FBLN1: variants seen among roughly 807,000 people sequenced by gnomAD.
FBLN1 encodes fibulin 1.
FBLN1 carries 34 observed loss-of-function variants against 89.7 expected under a neutral mutation model. The ratio of observed to expected loss-of-function variants is 0.38; its 90% confidence interval spans 0.29 to 0.50. FBLN1 has a LOEUF of 0.50. FBLN1 is among the 20% of genes least tolerant of loss of function. FBLN1 has a pLI of 0.92. For synonymous variants in FBLN1, 393 were observed against 391.3 expected, an observed-to-expected ratio of 1.00 and a Z score of -0.05; for missense variants, 777 against 988.1, an observed-to-expected ratio of 0.79 and a Z score of 2.86.
intron 14 of FBLN1, among the ~76,000 whole-genome samples, chr22:45,551,387 T>A (rs9626377): frequency 6.6e-6 from 1 of 152,232 alleles, no homozygotes; most frequent in Non-Finnish European, 1.5e-5. Context: ...CTTGGCCCCT[T>A]GACCTTCAGC....
chr22:45,530,606 T>C lies in FBLN1; in HGVS notation c.485-659T>C, dbSNP rs2088392236. Among the ~76,000 whole-genome samples, 1 of 152,210 alleles carries C rather than the reference T, an allele frequency of 6.6e-6. No homozygotes were observed. Among genetic ancestry groups the C allele is most frequent in the Non-Finnish European group, 1.5e-5 (1 of 68,032 alleles). ...GAATCAATCAGGAGACTCAAGTTTT[T>C]ACTGCGTGCATTGCTTTAGACTTGG... On this transcript the variant is annotated intron_variant, in intron 4 of 16. Coordinates refer to ENST00000327858, the MANE Select transcript of FBLN1 (RefSeq NM_006486.3). The surrounding 1 kb of genome is among the most constrained non-coding windows in gnomAD (Gnocchi z 5.4).
At chr22:45,553,266 G>A (rs2088729125) in intron 14 of FBLN1, among the ~76,000 whole-genome samples, 1 of 152,234 alleles carries the variant, frequency 6.6e-6, no homozygotes, top group Admixed American at 6.5e-5. Context: ...TAGAGCTTGA[G>A]GTGTTAGGGT....
In FBLN1 at chr22:45,550,083, C is replaced by G. The variant is rs1002795126; in HGVS notation, c.1574-409C>G. 6.6e-6 allele frequency among the ~76,000 whole-genome samples: 1 copy of G among 152,134 alleles called. No homozygotes were observed. The highest frequency in any genetic ancestry group is 2.4e-5 in the African/African-American group (1 of 41,408). ...TGCCAGCCTGCCCGGGTTCAAAGCT[C>G]AGCTCTGACATTTATAAAATGTGTG... is the stretch of plus-strand genomic sequence containing the variant. On this transcript the variant is annotated intron_variant, in intron 13 of 16. Transcript: ENST00000327858. This position sits in a 1 kb window ranked among gnomAD's most constrained non-coding sequence, Gnocchi z 8.4.
chr22:45,543,704 G>T (rs905468263), intron 11 of FBLN1, among the ~76,000 whole-genome samples, 178 bp downstream of exon 11: 2 of 152,220 alleles, frequency 1.3e-5, no homozygotes, highest in African/African-American at 4.8e-5. Flanking sequence ...CTGCCCACCC[G>T]ATTTCTCCTG....
Position 45,503,078 on chromosome 22 carries a change from G to A in FBLN1, c.79+14G>A, listed in dbSNP as rs545228163. 5.7e-6 allele frequency: 7 copies of A among 1,231,356 alleles called. No homozygotes were observed. In the African/African-American group the frequency reaches 1.1e-4, roughly 19 times the overall value. 76.3% of individuals were successfully genotyped at this position (1,231,356 alleles called of 1,614,324 possible). On this transcript the variant is annotated intron_variant, in intron 1 of 16. Coordinates refer to ENST00000327858, the MANE Select transcript of FBLN1 (RefSeq NM_006486.3). ...TGGCGGCCGGAGGTAGGGGCGTCCC[G>A]GGTCCGCCGCCCCAGCTTAGGGTCC...
At chr22:45,569,366 TGTG>T (rs2088931369) in intron 14 of FBLN1, among the ~76,000 whole-genome samples, 1 of 152,012 alleles carries the variant, frequency 6.6e-6, no homozygotes, top group South Asian at 2.1e-4. Flanking sequence ...AGGGACCAGG[TGTG>T]GTGGCTCACG....
intron 1 of FBLN1, among the ~76,000 whole-genome samples, chr22:45,504,028 C>T (rs1405184199): frequency 6.6e-6 from 1 of 152,216 alleles, no homozygotes; most frequent in Non-Finnish European, 1.5e-5. Flanking sequence ...AGGCCCGGCA[C>T]TCCTGGCGTC....
intron 10 of FBLN1, 94 bp downstream of exon 10, chr22:45,542,377 C>T: frequency 2.0e-6 from 3 of 1,512,740 alleles, no homozygotes; most frequent in South Asian, 1.1e-5. Context: ...GTCTGATCCT[C>T]ATCTCAGATA....
rs1189265069 is a variant in FBLN1, at chr22:45,597,773, C to A, written c.1973-2534C>A. 6.6e-6 allele frequency among the ~76,000 whole-genome samples: 1 copy of A among 152,232 alleles called. No homozygotes were observed. The highest frequency in any genetic ancestry group is 1.5e-5 in the Non-Finnish European group (1 of 68,042). ...GCAGAGCAAGGGTGCTGACAGCCTG[C>A]AGAAGCCTGTGCTTATCTCTCCATC... On this transcript the variant is annotated intron_variant, in intron 16 of 16. Transcript: ENST00000327858. This position sits in a 1 kb window ranked among gnomAD's most constrained non-coding sequence, Gnocchi z 4.2.
rs1184288749 is a variant in FBLN1 at position 45,561,661 on chromosome 22, A to G, written c.1697+11046A>G. Among the ~76,000 whole-genome samples the G allele has an allele frequency of 2.0e-5, 3 of 152,176 alleles. No homozygotes were observed. ...CATCTTTAATATTCTCTTCCTCTAG[A>G]ACCACTCCTGGTACCAAAATCTGTA... On this transcript the variant is annotated intron_variant, in intron 14 of 16. Coordinates refer to ENST00000327858, the MANE Select transcript of FBLN1 (RefSeq NM_006486.3). The surrounding 1 kb of genome is among the most constrained non-coding windows in gnomAD (Gnocchi z 4.7).
At chr22:45,552,441 A>T (rs753000634) in intron 14 of FBLN1, among the ~76,000 whole-genome samples, 1 of 152,040 alleles carries the variant, frequency 6.6e-6, no homozygotes. Context: ...AGGAGGGGCC[A>T]CCCCCTCTCA....
Position 45,574,043 on chromosome 22 carries a change from C to A in FBLN1, c.1698-468C>A, listed in dbSNP as rs200212423. ...GCCCTGTGCTGGGCACCGAGCTTGG[C>A]GCTTTCTATCTGCTCCTTCGTTTAT... On this transcript the variant is annotated intron_variant, in intron 14 of 16. Transcript: ENST00000327858. The surrounding 1 kb of genome is among the most constrained non-coding windows in gnomAD (Gnocchi z 4.1). Among the ~76,000 whole-genome samples, 8 of 152,158 alleles carry A rather than the reference C, an allele frequency of 5.3e-5. No individual in the cohort carries two copies. Among genetic ancestry groups the A allele is most frequent in the Non-Finnish European group, 1.0e-4 (7 of 68,034 alleles).
chr22:45,537,916 C>T lies in FBLN1; in HGVS notation c.922+2579C>T, dbSNP rs752637458. 9.2e-5 allele frequency among the ~76,000 whole-genome samples: 14 copies of T among 152,182 alleles called. No homozygotes were observed. The highest frequency in any genetic ancestry group is 1.7e-4 in the African/African-American group (7 of 41,438). On this transcript the variant is annotated intron_variant, in intron 8 of 16. Coordinates refer to ENST00000327858, the MANE Select transcript of FBLN1 (RefSeq NM_006486.3). This position sits in a 1 kb window ranked among gnomAD's most constrained non-coding sequence, Gnocchi z 5.7. ...CTTGCAGCCTGCTCAAAGGGGGGTC[C>T]GGAGGAGGCTGGCGTCGACTGAGGA...
rs1361877375 is a variant in FBLN1, at chr22:45,590,934, G to A, written c.1973-9373G>A. 1.3e-5 allele frequency among the ~76,000 whole-genome samples: 2 copies of A among 151,814 alleles called. No homozygotes were observed. The highest frequency in any genetic ancestry group is 4.9e-5 in the African/African-American group (2 of 41,210). On this transcript the variant is annotated intron_variant, in intron 16 of 16. Coordinates refer to ENST00000327858, the MANE Select transcript of FBLN1 (RefSeq NM_006486.3). The surrounding 1 kb of genome is among the most constrained non-coding windows in gnomAD (Gnocchi z 4.1). ...TTGGAGTGGACTCCGAGTTTGGGTC[G>A]GGGGCCCAGGAGGACCCCACCCAGC...
At chr22:45,571,111 C>CAAAAAAAAAGAAAA (rs2088949646) in intron 14 of FBLN1, among the ~76,000 whole-genome samples, 1 of 70,862 alleles carries the variant, frequency 1.4e-5, no homozygotes, top group African/African-American at 5.9e-5. Context: ...ACAAGAGTCT[C>CAAAAAAAAAGAAAA]AAAAAAAAAA....
rs369958147 is a variant in FBLN1, at chr22:45,531,321, C to T, written c.541C>T (p.Arg181Ter). 3 of 1,613,744 alleles carry T rather than the reference C, an allele frequency of 1.9e-6. No homozygotes were observed. The highest frequency in any genetic ancestry group is 1.7e-6 in the Non-Finnish European group (2 of 1,179,738). The change falls in exon 5 of 17, where the codon CGA (arginine) becomes TGA (stop). Residue 181 changes from arginine (R) to a stop codon, truncating the protein, a stop_gained. Coordinates refer to ENST00000327858, the MANE Select transcript of FBLN1 (RefSeq NM_006486.3). LOFTEE classifies it high-confidence loss of function. This position sits in a 1 kb window ranked among gnomAD's most constrained non-coding sequence, Gnocchi z 4.9. ...QEDPYLNDRC[R>*]GGGPCKQQCR... ...GGACCCATATCTGAATGACCGCTGC[C>T]GAGGTGAGACTCGGGCGTCTCCCAT...
At chr22:45,582,358 C>T (rs201708554) in intron 16 of FBLN1, among the ~76,000 whole-genome samples, 1 of 152,228 alleles carries the variant, frequency 6.6e-6, no homozygotes, top group Non-Finnish European at 1.5e-5. Flanking sequence ...GGTCCTGGGC[C>T]AGCCCCTGAT....
chr22:45,587,203 G>A (rs150113348), intron 16 of FBLN1, among the ~76,000 whole-genome samples: 4 of 152,244 alleles, frequency 2.6e-5, no homozygotes, highest in South Asian at 2.1e-4. Context: ...ACCCACAGCC[G>A]GCGTTGCTGT....
rs1306560633 is a variant in FBLN1, at chr22:45,576,786, G to A, written c.1841-191G>A. On this transcript the variant is annotated intron_variant, in intron 15 of 16. Coordinates refer to ENST00000327858, the MANE Select transcript of FBLN1 (RefSeq NM_006486.3). The surrounding 1 kb of genome is among the most constrained non-coding windows in gnomAD (Gnocchi z 5.2). ...TTTCCCCTGCTATAAAACAGGGATG[G>A]GCTATGATATAGGAAGGTCCAGACC... Among the ~76,000 whole-genome samples, 3 of 152,164 alleles carry A rather than the reference G, an allele frequency of 2.0e-5. No homozygotes were observed. The highest frequency in any genetic ancestry group is 4.4e-5 in the Non-Finnish European group (3 of 68,034).
Sources: allele counts gnomAD v4.1 joint callset (sites outside exome capture counted in the v4.1 genomes callset), GRCh38; gene constraint gnomAD v4.1.1; non-coding constraint Gnocchi (gnomAD v3.1); transcripts MANE v1.5; gene names NCBI Gene and HGNC (gene_info 2026-07-23, HGNC 2026-07-21).